Variants in DYNC1I2 observed in about 807,000 individuals in gnomAD.
DYNC1I2 encodes cytoplasmic dynein 1 intermediate chain 2.
In DYNC1I2, 53 loss-of-function variants were observed where a neutral mutation model predicts 88.6. That is an observed-to-expected ratio of 0.60 (90% CI 0.48 to 0.75). The LOEUF (loss-of-function observed/expected upper bound fraction) is 0.75, where lower values mean the gene tolerates loss of function less well. DYNC1I2 is among the 30% of genes least tolerant of loss of function. DYNC1I2 has a pLI of 0.00. For synonymous variants in DYNC1I2, 198 were observed against 254.6 expected, an observed-to-expected ratio of 0.78 and a Z score of 2.12; for missense variants, 458 against 766.6, an observed-to-expected ratio of 0.60 and a Z score of 4.75.
At chr2:171,725,868 A>C in intron 8 of DYNC1I2, 51 bp from the exon 9 acceptor site, 1 of 1,483,156 alleles carries the variant, frequency 6.7e-7, no homozygotes, top group Non-Finnish European at 9.1e-7. Flanking sequence ...TAGTGAGTTG[A>C]CGTGATTTGC....
chr2:171,720,996 A>G (rs1008278229), intron 7 of DYNC1I2, among the ~76,000 whole-genome samples: 5 of 151,848 alleles, frequency 3.3e-5, no homozygotes, highest in African/African-American at 1.2e-4. Flanking sequence ...TTTATATAAA[A>G]AGGACTGTGA....
intron 1 of DYNC1I2, 39 bp from the exon 2 acceptor site, chr2:171,690,106 CTG>C (rs1685280969): frequency 1.5e-6 from 2 of 1,309,270 alleles, no homozygotes; most frequent in African/African-American, 1.5e-5. Flanking sequence ...GTTTTTTCAA[CTG>C]TGCTGCTTTT....
intron 11 of DYNC1I2, among the ~76,000 whole-genome samples, chr2:171,727,446 C>G (rs143993713): frequency 0.018 from 2,709 of 152,222 alleles, 48 homozygotes; most frequent in Admixed American, 0.065. Flanking sequence ...GTGTCTTAAT[C>G]TTGAGTAAAC....
At chr2:171,691,752 A>G (rs1273327132) in intron 2 of DYNC1I2, among the ~76,000 whole-genome samples, 1 of 152,222 alleles carries the variant, frequency 6.6e-6, no homozygotes, top group African/African-American at 2.4e-5. Context: ...AATGATGGCC[A>G]TAACTGGCAA....
chr2:171,727,774 G>A (rs372743580), intron 11 of DYNC1I2, 47 bp from the exon 12 acceptor site: 23 of 1,568,674 alleles, frequency 1.5e-5, no homozygotes, highest in Admixed American at 1.7e-5. Context: ...AACTTGTCAG[G>A]CATTTTCCAT....
At chr2:171,702,556 T>G (rs1686341644) in intron 3 of DYNC1I2, among the ~76,000 whole-genome samples, 1 of 24,046 alleles carries the variant, frequency 4.2e-5, no homozygotes. Flanking sequence ...CAATATAGAA[T>G]GTACTCCTTA....
At chr2:171,732,689 TG>T (rs1357784519) in intron 15 of DYNC1I2, among the ~76,000 whole-genome samples, 1 of 152,210 alleles carries the variant, frequency 6.6e-6, no homozygotes, top group Non-Finnish European at 1.5e-5. Flanking sequence ...CAAAGCAAGA[TG>T]CAGAATTGGT....
intron 6 of DYNC1I2, among the ~76,000 whole-genome samples, chr2:171,713,684 G>T (rs1223652910): frequency 6.6e-6 from 1 of 150,898 alleles, no homozygotes; most frequent in Non-Finnish European, 1.5e-5. Flanking sequence ...GCCTGACTCA[G>T]ATAGCCCTTT....
At chr2:171,740,262 G>A (rs563193465) in intron 15 of DYNC1I2, among the ~76,000 whole-genome samples, 4 of 152,230 alleles carry the variant, frequency 2.6e-5, no homozygotes, top group Admixed American at 1.3e-4. Flanking sequence ...TTACGTTAAC[G>A]TCTCTTCAGT....
chr2:171,696,857 T>G (rs1364730865), intron 3 of DYNC1I2, among the ~76,000 whole-genome samples: 1 of 152,160 alleles, frequency 6.6e-6, no homozygotes, highest in Non-Finnish European at 1.5e-5. Flanking sequence ...ATACAGAAAA[T>G]CACCCCCTTT....
chr2:171,729,569 T>G lies in DYNC1I2; in HGVS notation c.1392-140T>G, dbSNP rs1688472466. The stretch of plus-strand genomic sequence containing the variant: ...TGGATGGAATAACACTCAACAAAGT[T>G]AATTCTGATAAGTTATGAGCACAGA... On this transcript the variant is annotated intron_variant, in intron 14 of 17. Coordinates refer to ENST00000397119, the MANE Select transcript of DYNC1I2 (RefSeq NM_001378.3). 8 of 852,484 alleles carry G rather than the reference T, an allele frequency of 9.4e-6. No homozygotes were observed. In the South Asian group the frequency reaches 1.4e-4, roughly 15 times the overall value. 52.8% of individuals were successfully genotyped at this position (852,484 alleles called of 1,614,324 possible).
intron 4 of DYNC1I2, 114 bp downstream of exon 4, chr2:171,706,678 T>C: frequency 1.1e-6 from 1 of 913,932 alleles, no homozygotes; most frequent in East Asian, 2.6e-5. Flanking sequence ...TCACCCAAAT[T>C]GCTGGAAACT....
intron 2 of DYNC1I2, among the ~76,000 whole-genome samples, chr2:171,690,578 G>T (rs139981067): frequency 3.3e-5 from 5 of 150,758 alleles, no homozygotes; most frequent in Admixed American, 1.3e-4. Context: ...ATTTATTAAA[G>T]TTCAATTTAC....
intron 7 of DYNC1I2, among the ~76,000 whole-genome samples, chr2:171,723,753 A>G (rs1270498516): frequency 6.6e-6 from 1 of 152,156 alleles, no homozygotes; most frequent in Non-Finnish European, 1.5e-5. Context: ...GGCGATCACT[A>G]AGAATTCTTT....
chr2:171,698,621 G>A (rs904197220), intron 3 of DYNC1I2, among the ~76,000 whole-genome samples: 1 of 152,116 alleles, frequency 6.6e-6, no homozygotes, highest in Non-Finnish European at 1.5e-5. Flanking sequence ...TGTAATCCCA[G>A]CACTTTGGGA....
At chr2:171,713,382 C>A (rs1196101708) in intron 6 of DYNC1I2, among the ~76,000 whole-genome samples, 1 of 150,916 alleles carries the variant, frequency 6.6e-6, no homozygotes, top group African/African-American at 2.4e-5. Flanking sequence ...TCATTGAGCC[C>A]CTAGGTTAAA....
chr2:171,719,777 G>T (rs926943147), intron 7 of DYNC1I2, among the ~76,000 whole-genome samples: 1 of 151,988 alleles, frequency 6.6e-6, no homozygotes, highest in African/African-American at 2.4e-5. Flanking sequence ...TTGCTTTCCA[G>T]TTTACTCTGT....
chr2:171,697,455 A>T (rs1021326043), intron 3 of DYNC1I2, among the ~76,000 whole-genome samples: 1 of 152,186 alleles, frequency 6.6e-6, no homozygotes, highest in Non-Finnish European at 1.5e-5. Context: ...GCATTCTCAC[A>T]TTTAGCTTTT....
At position 171,711,459 on chromosome 2, in the gene DYNC1I2, T is replaced by G. The variant is rs79216372; in HGVS notation, c.336-1308T>G. ...TTTGAGGTACAGTGTTACTTGATTT[T>G]AGACTAAAATGACATCCTCAACAAG... On this transcript the variant is annotated intron_variant, in intron 5 of 17. Coordinates refer to ENST00000397119, the MANE Select transcript of DYNC1I2 (RefSeq NM_001378.3). Among the ~76,000 whole-genome samples, 107 of 152,358 alleles carry G rather than the reference T, an allele frequency of 7.0e-4. 1 individual carries two copies. The East Asian group carries it at 0.015, about 22-fold the overall frequency.
Sources: allele counts gnomAD v4.1 joint callset (sites outside exome capture counted in the v4.1 genomes callset), GRCh38; gene constraint gnomAD v4.1.1; transcripts MANE v1.5; gene names NCBI Gene and HGNC (gene_info 2026-07-23, HGNC 2026-07-21).